Variants in LRRC7 observed in about 807,000 individuals in gnomAD.
LRRC7 encodes the protein leucine-rich repeat-containing protein 7.
A neutral mutation model predicts 175.7 loss-of-function variants in LRRC7; 23 were observed. The observed-to-expected ratio is 0.13, with a 90% CI of 0.09 to 0.19. The LOEUF is 0.19. LRRC7 is among the 10% of genes least tolerant of loss of function. The pLI, the probability that LRRC7 is intolerant of heterozygous loss-of-function variation, is 1.00. For synonymous variants in LRRC7, 685 were observed against 680.9 expected (o/e 1.01, Z -0.09); for missense variants, 1,354 against 1,904.7 (o/e 0.71, Z 5.38).
intron 7 of LRRC7, among the ~76,000 whole-genome samples, chr1:69,916,612 CA>C (rs1345502880): frequency 2.6e-5 from 4 of 151,904 alleles, no homozygotes; most frequent in Non-Finnish European, 5.9e-5. Context: ...TGGCAACTAT[CA>C]ATTAATTATA....
chr1:70,036,155 T>C lies in LRRC7; in HGVS notation c.2030T>C (p.Ile677Thr). ...GTTCATCCAGCTAATGAAATGAGGATTGGGGAACTTCACCCTTCATTAGCT... is the reference window on the plus strand; with the variant it reads ...GTTCATCCAGCTAATGAAATGAGGACTGGGGAACTTCACCCTTCATTAGCT... Reference protein sequence around the residue: ...SFVHPANEMRIGELHPSLAET... With the variant: ...SFVHPANEMRTGELHPSLAET... Residue 677 changes from isoleucine to threonine, a missense_variant, in exon 19 of 27, where the codon ATT (isoleucine) becomes ACT (threonine). Transcript: ENST00000651989. 1 of 1,613,334 alleles carries C rather than the reference T, an allele frequency of 6.2e-7. No homozygotes were observed. Among genetic ancestry groups the C allele is most frequent in the Non-Finnish European group, 8.5e-7 (1 of 1,179,510 alleles).
chr1:69,823,687 A>G (rs969232234), intron 4 of LRRC7, among the ~76,000 whole-genome samples: 2 of 152,162 alleles, frequency 1.3e-5, no homozygotes, highest in African/African-American at 2.4e-5. Flanking sequence ...ACCTGAAGCC[A>G]GATAATTTTG....
At chr1:69,719,786 C>T (rs1489932549) in intron 2 of LRRC7, among the ~76,000 whole-genome samples, 4 of 151,458 alleles carry the variant, frequency 2.6e-5, no homozygotes, top group African/African-American at 7.3e-5. Context: ...ATGTAAAAAT[C>T]GCTTTAAAAA....
chr1:69,616,816 G>A (rs1428589924), intron 1 of LRRC7, among the ~76,000 whole-genome samples: 1 of 152,056 alleles, frequency 6.6e-6, no homozygotes, highest in Non-Finnish European at 1.5e-5. Flanking sequence ...ATAGGCTACT[G>A]TAAGGACGAT....
intron 7 of LRRC7, among the ~76,000 whole-genome samples, chr1:69,877,811 G>A (rs1438081560): frequency 6.6e-6 from 1 of 152,002 alleles, no homozygotes; most frequent in East Asian, 1.9e-4. Context: ...ATAACACTTA[G>A]CATAACCCAT....
intron 8 of LRRC7, among the ~76,000 whole-genome samples, chr1:69,949,835 G>A (rs553750968): frequency 6.6e-6 from 1 of 151,794 alleles, no homozygotes; most frequent in Non-Finnish European, 1.5e-5. Context: ...TAAACTTTTG[G>A]TACTCATTAA....
intron 1 of LRRC7, among the ~76,000 whole-genome samples, chr1:69,672,089 A>T (rs1295220492): frequency 2.0e-5 from 3 of 152,138 alleles, no homozygotes; most frequent in African/African-American, 7.2e-5. Context: ...TACATGTGCC[A>T]TGTTGGTGTG....
intron 2 of LRRC7, among the ~76,000 whole-genome samples, chr1:69,680,618 G>A (rs1254122999): frequency 1.3e-5 from 2 of 150,532 alleles, no homozygotes; most frequent in Non-Finnish European, 1.5e-5. Flanking sequence ...TTAGTACAAT[G>A]AGCAATTCTA....
intron 1 of LRRC7, among the ~76,000 whole-genome samples, chr1:69,671,150 C>T (rs144218251): frequency 4.6e-5 from 7 of 152,298 alleles, no homozygotes; most frequent in Admixed American, 6.5e-5. Context: ...GTCTGAGTCT[C>T]ACCTGAGGCC....
intron 7 of LRRC7, among the ~76,000 whole-genome samples, chr1:69,916,059 G>A (rs1415585523): frequency 9.7e-3 from 12 of 1,240 alleles, no homozygotes; most frequent in Non-Finnish European, 0.013. Context: ...TATTTTATAT[G>A]TATATTTTAT....
intron 1 of LRRC7, among the ~76,000 whole-genome samples, chr1:69,634,937 G>A (rs569384509): frequency 4.6e-5 from 7 of 152,054 alleles, no homozygotes; most frequent in Non-Finnish European, 1.0e-4. Context: ...ATTTAAAATT[G>A]CTTGTTTAAA....
intron 24 of LRRC7, among the ~76,000 whole-genome samples, chr1:70,089,117 C>G (rs2102165583): frequency 6.6e-6 from 1 of 152,260 alleles, no homozygotes; most frequent in East Asian, 1.9e-4. Context: ...AACTCCTACT[C>G]CAGGAGCTGC....
At chr1:69,841,239 T>G (rs571840705) in intron 7 of LRRC7, among the ~76,000 whole-genome samples, 3 of 152,184 alleles carry the variant, frequency 2.0e-5, no homozygotes, top group Admixed American at 2.0e-4. Flanking sequence ...ATAGGGCTAC[T>G]CTCAATGTGG....
chr1:69,986,431 C>A (rs756812754), intron 10 of LRRC7, 45 bp downstream of exon 10: 2 of 1,543,526 alleles, frequency 1.3e-6, no homozygotes, highest in South Asian at 2.4e-5. Flanking sequence ...TCAAATATAC[C>A]ATTTTCTTTT....
intron 2 of LRRC7, among the ~76,000 whole-genome samples, chr1:69,694,827 C>T (rs1570391979): frequency 6.6e-6 from 1 of 152,108 alleles, no homozygotes; most frequent in African/African-American, 2.4e-5. Context: ...TTCTTGAGGC[C>T]CTCACTAGAA....
intron 8 of LRRC7, among the ~76,000 whole-genome samples, chr1:69,964,997 C>T (rs1274470497): frequency 2.0e-5 from 3 of 152,114 alleles, no homozygotes; most frequent in African/African-American, 7.2e-5. Flanking sequence ...TAAAACAGGA[C>T]ATTGAGAGAA....
rs569453364 is a variant in LRRC7 at position 69,978,277 on chromosome 1, C to T, written c.712-2102C>T. On this transcript the variant is annotated intron_variant, in intron 8 of 26. Coordinates refer to ENST00000651989, the MANE Select transcript of LRRC7 (RefSeq NM_001370785.2). ...CAGCCTGGGTGACAGAGTGAGACTC[C>T]GTCGTCTGCGAGGAGAGGAGGGGAG... is the stretch of plus-strand genomic sequence containing the variant. 1.5e-4 allele frequency among the ~76,000 whole-genome samples: 19 copies of T among 127,864 alleles called. No individual in the cohort carries two copies. In the South Asian group the frequency reaches 4.7e-3, roughly 32 times the overall value. 83.9% of individuals were successfully genotyped at this position (127,864 alleles called of 152,430 possible). A position where few individuals can be genotyped will look rare whatever the true frequency, so the allele number is the denominator to read the frequency against.
In LRRC7 at chr1:69,914,560, T is replaced by C. The variant is rs191854287; in HGVS notation, c.648-16947T>C. ...CATTATTTGAAATAATACATACATA[T>C]AAATAGTTAAGGATTTCAAATAATA... On this transcript the variant is annotated intron_variant, in intron 7 of 26. Transcript: ENST00000651989. 2.1e-4 allele frequency among the ~76,000 whole-genome samples: 32 copies of C among 152,296 alleles called. 1 individual carries two copies. In the East Asian group the frequency reaches 6.2e-3, roughly 29 times the overall value.
intron 18 of LRRC7, among the ~76,000 whole-genome samples, chr1:70,031,945 C>T (rs538119854): frequency 2.0e-5 from 3 of 152,164 alleles, no homozygotes; most frequent in Non-Finnish European, 4.4e-5. Context: ...ATTACAGGCA[C>T]GTGCCAGCAC....
Sources: allele counts gnomAD v4.1 joint callset (sites outside exome capture counted in the v4.1 genomes callset), GRCh38; gene constraint gnomAD v4.1.1; transcripts MANE v1.5; gene names NCBI Gene and HGNC (gene_info 2026-07-23, HGNC 2026-07-21).